The following CSMD2 variants were observed in gnomAD, a reference collection of about 807,000 sequenced individuals.
The protein encoded by CSMD2 is CUB and Sushi multiple domains 2.
Under a neutral mutation model 398.5 loss-of-function variants are expected in CSMD2, and 130 were observed. The ratio of observed to expected loss-of-function variants is 0.33; its 90% CI spans 0.28 to 0.38. The LOEUF (loss-of-function observed/expected upper bound fraction) is 0.38. Among genes scored for constraint, CSMD2 ranks in the 10% least tolerant of loss-of-function variants. CSMD2 has a pLI of 1.00. For missense variants in CSMD2, 3,829 were observed against 4,764.9 expected, an observed-to-expected ratio of 0.80 and a Z score of 5.78; for synonymous variants, 1,828 against 1,908.5, an observed-to-expected ratio of 0.96 and a Z score of 1.10.
At chr1:33,765,971 C>T (rs570749588) in intron 13 of CSMD2, among the ~76,000 whole-genome samples, 9 of 152,266 alleles carry the variant, frequency 5.9e-5, no homozygotes, top group African/African-American at 2.2e-4. Flanking sequence ...CTATCCAGTG[C>T]CCTGTGATGG....
intron 4 of CSMD2, among the ~76,000 whole-genome samples, chr1:33,924,477 T>C (rs1329631864): frequency 1.3e-5 from 2 of 152,256 alleles, no homozygotes; most frequent in Non-Finnish European, 2.9e-5. Context: ...ATCTTTGCTG[T>C]TATGAATTGT....
chr1:34,094,690 A>G (rs1659067709), intron 1 of CSMD2, among the ~76,000 whole-genome samples: 1 of 152,236 alleles, frequency 6.6e-6, no homozygotes, highest in South Asian at 2.1e-4. Flanking sequence ...AAAGGGATCA[A>G]TTCAACAAGA....
chr1:33,741,114 A>G (rs908573524), intron 14 of CSMD2, among the ~76,000 whole-genome samples: 1 of 152,130 alleles, frequency 6.6e-6, no homozygotes, highest in Middle Eastern at 3.2e-3. Context: ...TTCCATGTGG[A>G]AGAGGAATTA....
At chr1:34,102,282 G>A (rs560300262) in intron 1 of CSMD2, among the ~76,000 whole-genome samples, 8 of 152,180 alleles carry the variant, frequency 5.3e-5, no homozygotes, top group South Asian at 2.1e-4. Flanking sequence ...CACCCGCCTC[G>A]GCCTCCCAAA....
intron 15 of CSMD2, among the ~76,000 whole-genome samples, chr1:33,736,488 A>G (rs1268693385): frequency 6.6e-6 from 1 of 152,174 alleles, no homozygotes; most frequent in Non-Finnish European, 1.5e-5. Context: ...CAAAGAAAAA[A>G]AAAAAATAGT....
intron 44 of CSMD2, chr1:33,600,220 T>C (rs1372897225): frequency 1.1e-5 from 8 of 714,662 alleles, no homozygotes; most frequent in Non-Finnish European, 5.2e-6. Flanking sequence ...TCCTGATTTC[T>C]GGTTAAAATA....
intron 25 of CSMD2, among the ~76,000 whole-genome samples, chr1:33,670,089 C>G (rs1644443674): frequency 6.6e-6 from 1 of 152,158 alleles, no homozygotes; most frequent in South Asian, 2.1e-4. Context: ...TTCTTCTACC[C>G]CCTGACTGAT....
intron 10 of CSMD2, among the ~76,000 whole-genome samples, chr1:33,802,735 C>T (rs1371828644): frequency 3.3e-5 from 5 of 152,212 alleles, no homozygotes; most frequent in Admixed American, 6.5e-5. Context: ...CCCTGCTCCT[C>T]GCAAAGGGAG....
rs146342216 is a variant in CSMD2, at chr1:33,800,764, G to C, written c.1447-8238C>G. On this transcript the variant is annotated intron_variant, in intron 10 of 70. Coordinates refer to ENST00000373381, the MANE Select transcript of CSMD2 (RefSeq NM_001281956.2). ...TGGGGATACCACATGGCCACAGCCA[G>C]ATCTGGGCGAGGGGAAATGCCAGCA... Among the ~76,000 whole-genome samples, 1,020 of 152,298 alleles carry C rather than the reference G, an allele frequency of 6.7e-3. 6 individuals carry two copies. Among genetic ancestry groups the C allele is most frequent in the African/African-American group, 0.023 (976 of 41,570 alleles).
At chr1:33,523,444 C>T in intron 66 of CSMD2, 25 bp from the exon 67 acceptor site, 1 of 1,079,552 alleles carries the variant, frequency 9.3e-7, no homozygotes, top group Non-Finnish European at 1.4e-6. Flanking sequence ...TCAGGTGTTA[C>T]ACATGAAAGA....
intron 5 of CSMD2, among the ~76,000 whole-genome samples, chr1:33,908,547 C>T (rs1383922632): frequency 1.3e-5 from 2 of 152,254 alleles, no homozygotes; most frequent in African/African-American, 2.4e-5. Context: ...GGGGGCAGGC[C>T]AGCTGCCCGA....
chr1:33,603,052 T>C (rs1007848343), intron 42 of CSMD2, among the ~76,000 whole-genome samples: 2 of 152,150 alleles, frequency 1.3e-5, no homozygotes, highest in South Asian at 2.1e-4. Context: ...AGCTGAACGA[T>C]GTATTGAGCA....
chr1:33,723,522 A>G (rs1646427948), intron 19 of CSMD2, among the ~76,000 whole-genome samples: 1 of 152,198 alleles, frequency 6.6e-6, no homozygotes. Flanking sequence ...GAGTATTAAT[A>G]TATTAATTAA....
chr1:33,729,429 G>C (rs916068523), intron 15 of CSMD2, among the ~76,000 whole-genome samples: 3 of 149,834 alleles, frequency 2.0e-5, no homozygotes, highest in African/African-American at 7.4e-5. Context: ...GTAGTTGCCC[G>C]GCAGGGATTT....
chr1:33,679,919 C>CTTTTT (rs11415719), intron 25 of CSMD2, among the ~76,000 whole-genome samples: 1 of 144,090 alleles, frequency 6.9e-6, no homozygotes. Context: ...TTGAATTTTA[C>CTTTTT]TTTTTTTTTT....
At chr1:33,837,849 C>T (rs1240789735) in intron 6 of CSMD2, among the ~76,000 whole-genome samples, 1 of 152,230 alleles carries the variant, frequency 6.6e-6, no homozygotes, top group Non-Finnish European at 1.5e-5. Flanking sequence ...CAGGAGACTG[C>T]CAGGCTGCTC....
At chr1:33,621,860 A>G (rs1184692090) in intron 37 of CSMD2, among the ~76,000 whole-genome samples, 1 of 152,164 alleles carries the variant, frequency 6.6e-6, no homozygotes, top group Non-Finnish European at 1.5e-5. Flanking sequence ...GACCTGGGGG[A>G]GGAAAGCACA....
At chr1:33,955,168 A>G (rs1645125982) in intron 3 of CSMD2, among the ~76,000 whole-genome samples, 1 of 152,092 alleles carries the variant, frequency 6.6e-6, no homozygotes, top group Non-Finnish European at 1.5e-5. Context: ...CCAATTCCAG[A>G]ATTATTCATC....
At chr1:33,598,534 C>G (rs1493989) in intron 44 of CSMD2, among the ~76,000 whole-genome samples, 2 of 152,104 alleles carry the variant, frequency 1.3e-5, no homozygotes, top group Non-Finnish European at 2.9e-5. Flanking sequence ...TATCACAGTT[C>G]TAGAGGCTGG....
Sources: allele counts gnomAD v4.1 joint callset (sites outside exome capture counted in the v4.1 genomes callset), GRCh38; gene constraint gnomAD v4.1.1; transcripts MANE v1.5; gene names NCBI Gene and HGNC (gene_info 2026-07-23, HGNC 2026-07-21).